Variants in TAFA2 observed in about 807,000 individuals in gnomAD.
TAFA2 encodes the protein chemokine-like protein TAFA-2.
Under a neutral mutation model 18.8 loss-of-function variants are expected in TAFA2, and 7 were observed. That is an observed-to-expected ratio of 0.37 (90% CI 0.21 to 0.70). The LOEUF (loss-of-function observed/expected upper bound fraction) is 0.70, where lower values mean the gene tolerates loss of function less well. Ranked by LOEUF, TAFA2 falls within the 30% of genes least tolerant of loss-of-function variation. The pLI is 0.53. For synonymous variants in TAFA2, 60 were observed against 54.2 expected (o/e 1.11, Z -0.47); for missense variants, 122 against 158.1 (o/e 0.77, Z 1.23).
chr12:62,142,467 T>C (rs940922918), intron 1 of TAFA2, among the ~76,000 whole-genome samples: 3 of 152,184 alleles, frequency 2.0e-5, no homozygotes, highest in African/African-American at 7.2e-5. Context: ...TTTCAGATCA[T>C]GGCACTGTAA....
chr12:61,735,404 A>G (rs573007136), intron 4 of TAFA2, among the ~76,000 whole-genome samples: 5 of 152,010 alleles, frequency 3.3e-5, no homozygotes, highest in Non-Finnish European at 7.4e-5. Flanking sequence ...TTCATAATTG[A>G]CACATAATAA....
intron 1 of TAFA2, among the ~76,000 whole-genome samples, chr12:62,185,279 T>A (rs979155094): frequency 3.3e-5 from 5 of 152,240 alleles, no homozygotes; most frequent in Non-Finnish European, 7.3e-5. Context: ...GCCTCTGTTT[T>A]GTGGAGGATG....
rs377057916 is a variant in TAFA2 at position 61,968,620 on chromosome 12, TAAC to T, written c.-1-101197_-1-101195del. On this transcript the variant is annotated intron_variant, in intron 1 of 4. Transcript: ENST00000416284. ...GGGTATTATGATTAAGTAATAAAAA[TAAC>T]AATAGCTTCCATTTTTTGACAGCTT... Among the ~76,000 whole-genome samples, 141 of 151,856 alleles carry T rather than the reference TAAC, an allele frequency of 9.3e-4. 1 individual carries two copies. The highest frequency in any genetic ancestry group is 3.3e-3 in the African/African-American group (137 of 41,526).
At chr12:62,187,965 G>A (rs1021673328) in intron 1 of TAFA2, among the ~76,000 whole-genome samples, 1 of 152,114 alleles carries the variant, frequency 6.6e-6, no homozygotes, top group African/African-American at 2.4e-5. Flanking sequence ...AAATAAGATG[G>A]TAAATTCACC....
intron 2 of TAFA2, among the ~76,000 whole-genome samples, chr12:61,852,229 C>A (rs1208086478): frequency 6.7e-6 from 1 of 149,690 alleles, no homozygotes; most frequent in Non-Finnish European, 1.5e-5. Context: ...AAAAGAATTG[C>A]AATAGTTCAG....
intron 2 of TAFA2, among the ~76,000 whole-genome samples, chr12:61,841,190 A>T (rs1387969928): frequency 6.6e-6 from 1 of 152,128 alleles, no homozygotes; most frequent in African/African-American, 2.4e-5. Context: ...AATCACAATG[A>T]GCACAACCCT....
intron 1 of TAFA2, among the ~76,000 whole-genome samples, chr12:61,870,827 T>G (rs1055380634): frequency 6.6e-6 from 1 of 152,132 alleles, no homozygotes; most frequent in Non-Finnish European, 1.5e-5. Context: ...AAGACCGTGT[T>G]GAGTGCCCTT....
chr12:62,016,180 G>A (rs995202253), intron 1 of TAFA2, among the ~76,000 whole-genome samples: 1 of 152,140 alleles, frequency 6.6e-6, no homozygotes, highest in African/African-American at 2.4e-5. Flanking sequence ...TTGTTTTTGA[G>A]TTCCACGTGC....
chr12:61,949,940 T>C (rs1878409064), intron 1 of TAFA2, among the ~76,000 whole-genome samples: 1 of 152,128 alleles, frequency 6.6e-6, no homozygotes, highest in African/African-American at 2.4e-5. Flanking sequence ...CTTTCTCTAG[T>C]CCCTGGTAAT....
chr12:61,897,842 C>T (rs985041476), intron 1 of TAFA2, among the ~76,000 whole-genome samples: 6 of 152,196 alleles, frequency 3.9e-5, no homozygotes, highest in African/African-American at 1.4e-4. Context: ...AGTCTTAACT[C>T]ATTTCAGCAT....
chr12:62,147,329 T>C (rs2062291388), intron 1 of TAFA2, among the ~76,000 whole-genome samples: 1 of 15,392 alleles, frequency 6.5e-5, no homozygotes, highest in Non-Finnish European at 1.3e-4. Flanking sequence ...TATGTATGTA[T>C]ATATATATAT....
chr12:62,030,717 G>T (rs1881433996), intron 1 of TAFA2, among the ~76,000 whole-genome samples: 1 of 152,184 alleles, frequency 6.6e-6, no homozygotes, highest in Non-Finnish European at 1.5e-5. Flanking sequence ...ATGGTCCATG[G>T]ACTCTAGAAA....
At chr12:61,940,383 G>A (rs1178317274) in intron 1 of TAFA2, among the ~76,000 whole-genome samples, 1 of 152,220 alleles carries the variant, frequency 6.6e-6, no homozygotes, top group Non-Finnish European at 1.5e-5. Flanking sequence ...GGAAACGTGT[G>A]TTGGCAGGTA....
At chr12:61,932,403 A>G (rs76849371) in intron 1 of TAFA2, among the ~76,000 whole-genome samples, 10,417 of 152,268 alleles carry the variant, frequency 0.068, 471 homozygotes, top group Non-Finnish European at 0.1. Context: ...TGAAAAGTGA[A>G]AAGTGGAAGG....
chr12:61,795,164 G>T (rs547184719), intron 2 of TAFA2, among the ~76,000 whole-genome samples: 4 of 152,134 alleles, frequency 2.6e-5, no homozygotes, highest in Non-Finnish European at 4.4e-5. Context: ...TTGTGGAAGA[G>T]AGTGTGGCAA....
At chr12:61,959,916 A>G (rs527407845) in intron 1 of TAFA2, among the ~76,000 whole-genome samples, 27 of 151,974 alleles carry the variant, frequency 1.8e-4, no homozygotes, top group Admixed American at 6.6e-4. Context: ...AGGCTGGAGC[A>G]CAGTGGCTAT....
intron 2 of TAFA2, among the ~76,000 whole-genome samples, chr12:61,804,608 A>G (rs982310863): frequency 1.3e-5 from 2 of 152,088 alleles, no homozygotes; most frequent in East Asian, 3.8e-4. Context: ...ACAGTTTATC[A>G]ACACTGTTGA....
rs1451506599 is a variant in TAFA2 at position 62,066,067 on chromosome 12, A to T, written c.-2+125192T>A. On this transcript the variant is annotated intron_variant, in intron 1 of 4. Transcript: ENST00000416284. ...CTGAGAATTAGTAACTGAAAAGTAAAAAACAGAATTCCCCATTCAAATAAA... is the reference window on the plus strand; with the variant it reads ...CTGAGAATTAGTAACTGAAAAGTAATAAACAGAATTCCCCATTCAAATAAA... 2.0e-5 allele frequency among the ~76,000 whole-genome samples: 3 copies of T among 151,424 alleles called. No individual in the cohort carries two copies. The East Asian group carries it at 5.9e-4, about 30-fold the overall frequency.
intron 1 of TAFA2, among the ~76,000 whole-genome samples, chr12:62,052,794 C>G (rs191966073): frequency 6.6e-6 from 1 of 152,110 alleles, no homozygotes; most frequent in Non-Finnish European, 1.5e-5. Flanking sequence ...TAGCCACAAA[C>G]GAAGACTGTA....
Sources: gnomAD v4.1 joint callset for allele counts (sites outside exome capture counted in the v4.1 genomes callset) on GRCh38, gnomAD v4.1.1 for gene constraint, MANE v1.5 for transcripts, NCBI Gene and HGNC (gene_info 2026-07-23, HGNC 2026-07-21) for gene names.